PTPRQ: variants seen among roughly 807,000 people sequenced by gnomAD.
PTPRQ encodes the protein phosphatidylinositol phosphatase PTPRQ.
Under a neutral mutation model 246.0 loss-of-function variants are expected in PTPRQ, and 199 were observed. The observed-to-expected ratio is 0.81, with a 90% confidence interval of 0.72 to 0.91. The LOEUF (loss-of-function observed/expected upper bound fraction) is 0.91, where lower values mean the gene tolerates loss of function less well. Among genes scored for constraint, PTPRQ ranks in the 40% least tolerant of loss-of-function variants. PTPRQ has a pLI of 0.00. For synonymous variants in PTPRQ, 869 were observed against 853.2 expected (o/e 1.02, Z -0.32); for missense variants, 2,624 against 2,528.4 (o/e 1.04, Z -0.81).
intron 8 of PTPRQ, among the ~76,000 whole-genome samples, chr12:80,475,430 G>A (rs1047177120): frequency 2.0e-5 from 3 of 151,912 alleles, no homozygotes; most frequent in Non-Finnish European, 4.4e-5. Flanking sequence ...TAAATGTATC[G>A]ACTTGAGAAT....
chr12:80,588,012 G>A, intron 25 of PTPRQ, 117 bp from the exon 26 acceptor site: 2 of 1,067,090 alleles, frequency 1.9e-6, no homozygotes, highest in Non-Finnish European at 2.6e-6. Context: ...TAATCTAAGA[G>A]CTATAGTAAT....
intron 3 of PTPRQ, among the ~76,000 whole-genome samples, chr12:80,450,603 G>T (rs182116878): frequency 1.3e-5 from 2 of 152,042 alleles, no homozygotes; most frequent in Admixed American, 1.3e-4. Flanking sequence ...GTTGAATTTT[G>T]TCAAAGGCCT....
At chr12:80,524,250 A>T (rs1221113502) in intron 17 of PTPRQ, among the ~76,000 whole-genome samples, 1 of 152,040 alleles carries the variant, frequency 6.6e-6, no homozygotes, top group Non-Finnish European at 1.5e-5. Context: ...TTTTGAGCCT[A>T]TGTGTGTCTC....
At chr12:80,522,171 A>G (rs1264421274) in intron 17 of PTPRQ, among the ~76,000 whole-genome samples, 7 of 152,018 alleles carry the variant, frequency 4.6e-5, no homozygotes, top group African/African-American at 1.5e-4. Context: ...TTTGTCTGTT[A>G]TTGGTATATA....
intron 25 of PTPRQ, among the ~76,000 whole-genome samples, chr12:80,579,122 G>A (rs1270843596): frequency 6.6e-6 from 1 of 151,932 alleles, no homozygotes; most frequent in Non-Finnish European, 1.5e-5. Flanking sequence ...TCTATGTTGT[G>A]CTTTATATGT....
chr12:80,452,828 A>C (rs11613004), intron 3 of PTPRQ, among the ~76,000 whole-genome samples: 69,321 of 151,674 alleles, frequency 0.46, 18,792 homozygotes, highest in South Asian at 0.63. Context: ...TTTGGTGAAT[A>C]TGACAATTAT....
chr12:80,528,466 C>T (rs1592618628), intron 17 of PTPRQ, among the ~76,000 whole-genome samples: 2 of 57,250 alleles, frequency 3.5e-5, no homozygotes, highest in Admixed American at 2.0e-4. Flanking sequence ...AAGTATTGTA[C>T]ATTTAAAAGT....
chr12:80,649,081 T>G (rs1208620949), intron 36 of PTPRQ, among the ~76,000 whole-genome samples, 158 bp downstream of exon 36: 1 of 152,174 alleles, frequency 6.6e-6, no homozygotes, highest in African/African-American at 2.4e-5. Context: ...GCATGGTAAC[T>G]GGAGAAATGC....
At chr12:80,669,206 T>C in intron 40 of PTPRQ, 65 bp downstream of exon 40, 1 of 1,532,114 alleles carries the variant, frequency 6.5e-7, no homozygotes, top group Non-Finnish European at 8.8e-7. Context: ...GTGTGAATAT[T>C]TCATCTAATA....
chr12:80,667,473 C>T (rs1268267887), intron 39 of PTPRQ, among the ~76,000 whole-genome samples: 1 of 151,904 alleles, frequency 6.6e-6, no homozygotes, highest in East Asian at 1.9e-4. Context: ...TCTCTCATAG[C>T]CCTTATCACT....
chr12:80,581,500 T>A (rs1411349927), intron 25 of PTPRQ, among the ~76,000 whole-genome samples: 3 of 152,006 alleles, frequency 2.0e-5, no homozygotes, highest in Non-Finnish European at 4.4e-5. Flanking sequence ...TTGGGTGTGA[T>A]GGCACACGCC....
chr12:80,586,203 AAAAC>A (rs1463822937), intron 25 of PTPRQ, among the ~76,000 whole-genome samples: 4 of 152,076 alleles, frequency 2.6e-5, no homozygotes, highest in African/African-American at 7.3e-5. Flanking sequence ...ACACAAGAAA[AAAAC>A]AAACAACCCC....
At chr12:80,567,458 C>T (rs1022907028) in intron 25 of PTPRQ, among the ~76,000 whole-genome samples, 7 of 152,160 alleles carry the variant, frequency 4.6e-5, no homozygotes, top group Non-Finnish European at 1.0e-4. Flanking sequence ...CATTCATCCA[C>T]CATATAGAGC....
chr12:80,598,918 A>T (rs1368527903), intron 26 of PTPRQ, among the ~76,000 whole-genome samples: 2 of 152,012 alleles, frequency 1.3e-5, no homozygotes, highest in African/African-American at 2.4e-5. Context: ...TCCACTATTA[A>T]GTTAGACTTA....
chr12:80,467,582 C>T (rs973005304), intron 6 of PTPRQ, among the ~76,000 whole-genome samples: 11 of 152,258 alleles, frequency 7.2e-5, no homozygotes, highest in Non-Finnish European at 1.2e-4. Context: ...GCATTATTCA[C>T]AATAGCAAAG....
intron 6 of PTPRQ, chr12:80,465,365 A>G (rs1459129894): frequency 6.6e-6 from 1 of 152,468 alleles, no homozygotes; most frequent in East Asian, 1.9e-4. Flanking sequence ...AATAAGCAAT[A>G]GCTTACCAAC....
At chr12:80,463,541 G>A (rs562833439) in intron 6 of PTPRQ, among the ~76,000 whole-genome samples, 2 of 152,034 alleles carry the variant, frequency 1.3e-5, no homozygotes, top group Admixed American at 6.5e-5. Context: ...TCCTTGAGAA[G>A]AGCAACTCTA....
Position 80,635,001 on chromosome 12 carries a change from T to G in PTPRQ, c.5843T>G (p.Ile1948Ser). 5.2e-6 allele frequency: 8 copies of G among 1,551,422 alleles called. No homozygotes were observed. The highest frequency in any genetic ancestry group is 6.1e-6 in the Non-Finnish European group (7 of 1,146,824). The change falls in exon 35 of 45, where the codon ATT (isoleucine) becomes AGT (serine). Residue 1948 changes from isoleucine (I) to serine (S), a missense_variant. Ile to Ser is a moderately radical substitution (Grantham distance 142). Transcript: ENST00000644991. ...TACTCTCCTCAGGATGCAGAAATTA[T>G]TGACACTAAATTGAAGCTGGATCAG... Reference protein sequence around the residue: ...GTYSPQDAEIIDTKLKLDQLI... With the variant: ...GTYSPQDAEISDTKLKLDQLI...
chr12:80,470,331 T>C (rs1484989045), intron 7 of PTPRQ, among the ~76,000 whole-genome samples: 3 of 152,008 alleles, frequency 2.0e-5, no homozygotes, highest in African/African-American at 7.3e-5. Context: ...TAGATGCTGG[T>C]AAATATATAG....
Sources: gnomAD v4.1 joint callset for allele counts (sites outside exome capture counted in the v4.1 genomes callset) on GRCh38, gnomAD v4.1.1 for gene constraint, MANE v1.5 for transcripts, NCBI Gene and HGNC (gene_info 2026-07-23, HGNC 2026-07-21) for gene names.